NFIA: variants seen among roughly 807,000 people sequenced by gnomAD.
The protein encoded by NFIA is nuclear factor I A, also known as nuclear factor 1 A-type.
In NFIA, 8 loss-of-function variants were observed where a neutral mutation model predicts 62.8. That is an observed-to-expected ratio of 0.13 (90% CI 0.07 to 0.23). NFIA has a LOEUF of 0.23. Among genes scored for constraint, NFIA ranks in the 10% least tolerant of loss-of-function variants. The pLI is 1.00. For missense variants in NFIA, 410 were observed against 642.1 expected, an observed-to-expected ratio of 0.64 and a Z score of 3.91; for synonymous variants, 235 against 238.1, an observed-to-expected ratio of 0.99 and a Z score of 0.12.
intron 2 of NFIA, among the ~76,000 whole-genome samples, chr1:61,183,235 G>T (rs181141266): frequency 6.6e-6 from 1 of 152,214 alleles, no homozygotes; most frequent in East Asian, 1.9e-4. Flanking sequence ...ATAGAATTAT[G>T]GACTACAGAA....
Position 61,187,525 on chromosome 1 carries a change from G to A in NFIA, c.560-89995G>A, listed in dbSNP as rs185920023. On this transcript the variant is annotated intron_variant, in intron 2 of 10. Coordinates refer to ENST00000403491, the MANE Select transcript of NFIA (RefSeq NM_001134673.4). ...AGCGGTGGTGGTGGCATGGAGATGC[G>A]CTCCGTTTAGACTCAATATTGCCAC... Among the ~76,000 whole-genome samples, 328 of 152,220 alleles carry A rather than the reference G, an allele frequency of 2.2e-3. 3 individuals are homozygous for A. The highest frequency in any genetic ancestry group is 3.0e-3 in the Non-Finnish European group (203 of 68,020).
intron 7 of NFIA, among the ~76,000 whole-genome samples, chr1:61,398,694 A>T (rs569495115): frequency 9.2e-5 from 14 of 152,340 alleles, no homozygotes; most frequent in Admixed American, 7.8e-4. Context: ...TAGAAAAGGC[A>T]TCACCTCTTA....
In NFIA at chr1:61,128,915, G is replaced by GTTTTTTTTT. The variant is rs10635152; in HGVS notation, c.559+40252_559+40260dup. On this transcript the variant is annotated intron_variant, in intron 2 of 10. Coordinates refer to ENST00000403491, the MANE Select transcript of NFIA (RefSeq NM_001134673.4). ...CCAGCCAATGGTGATGCTTACTTATGTTTTTTTTTTTTTTTTTTTTTTTTT... is the reference window on the plus strand; with the variant it reads ...CCAGCCAATGGTGATGCTTACTTATGTTTTTTTTTTTTTTTTTTTTTTTTTTTTTTTTTT... Among the ~76,000 whole-genome samples the GTTTTTTTTT allele has an allele frequency of 1.9e-4, 14 of 74,138 alleles. 1 individual carries two copies. Among genetic ancestry groups the GTTTTTTTTT allele is most frequent in the Non-Finnish European group, 2.7e-4 (12 of 44,328 alleles). The allele number at this position is 74,138 out of a possible 152,430, so 48.6% of individuals were successfully genotyped here.
At chr1:61,190,027 ATG>A (rs1444818686) in intron 2 of NFIA, among the ~76,000 whole-genome samples, 2 of 152,228 alleles carry the variant, frequency 1.3e-5, no homozygotes, top group Non-Finnish European at 2.9e-5. Context: ...ATGAAATTAA[ATG>A]TGATATTAAA....
intron 6 of NFIA, among the ~76,000 whole-genome samples, chr1:61,361,782 GGTGTGTGTGTGTGTGTGTGTGT>G (rs61410878): frequency 7.0e-6 from 1 of 142,172 alleles, no homozygotes; most frequent in Non-Finnish European, 1.5e-5. Context: ...TTTGGTAAGA[GGTGTGTGTGTGTGTGTGTGTGT>G]GTGTGTGTGT....
intron 2 of NFIA, among the ~76,000 whole-genome samples, chr1:61,199,040 G>C (rs533966125): frequency 2.4e-4 from 37 of 152,258 alleles, no homozygotes; most frequent in Middle Eastern, 6.8e-3. Flanking sequence ...TTTGAAATAG[G>C]AATAGTCCTT....
intron 2 of NFIA, among the ~76,000 whole-genome samples, chr1:61,206,683 T>A (rs185481777): frequency 1.0e-3 from 156 of 152,334 alleles, no homozygotes; most frequent in African/African-American, 3.2e-3. Context: ...ATTTTAAAGA[T>A]GCAAGGTGTA....
chr1:61,172,092 C>T (rs1650005167), intron 2 of NFIA, among the ~76,000 whole-genome samples: 1 of 152,148 alleles, frequency 6.6e-6, no homozygotes, highest in Admixed American at 6.5e-5. Context: ...CCCTCTCAAC[C>T]CAGGCTTCCT....
chr1:61,398,633 C>A (rs1184354409), intron 7 of NFIA, among the ~76,000 whole-genome samples: 1 of 152,134 alleles, frequency 6.6e-6, no homozygotes, highest in Non-Finnish European at 1.5e-5. Flanking sequence ...AAGATATGTA[C>A]CATATGTTTT....
At chr1:61,327,603 T>C (rs1441165253) in intron 3 of NFIA, among the ~76,000 whole-genome samples, 1 of 152,172 alleles carries the variant, frequency 6.6e-6, no homozygotes, top group Non-Finnish European at 1.5e-5. Context: ...TGTTCTTTTT[T>C]ATGGCTGAGT....
chr1:61,365,712 A>G (rs576866126), intron 6 of NFIA, among the ~76,000 whole-genome samples: 3 of 152,226 alleles, frequency 2.0e-5, no homozygotes, highest in Non-Finnish European at 4.4e-5. Context: ...TCCAAGGGCA[A>G]ACCTCTGAAT....
At chr1:61,226,812 T>C (rs1051206108) in intron 2 of NFIA, among the ~76,000 whole-genome samples, 4 of 152,206 alleles carry the variant, frequency 2.6e-5, no homozygotes, top group African/African-American at 9.6e-5. Context: ...CCATATGTAT[T>C]GGGCAGGTTG....
chr1:61,082,796 A>G lies in NFIA; in HGVS notation c.5A>G (p.Tyr2Cys). 1 of 1,539,706 alleles carries G rather than the reference A, an allele frequency of 6.5e-7. No individual in the cohort carries two copies. The highest frequency in any genetic ancestry group is 8.8e-7 in the Non-Finnish European group (1 of 1,140,578). The change falls in exon 1 of 11, where the codon TAT (tyrosine) becomes TGT (cysteine). Residue 2 changes from tyrosine (Y) to cysteine (C), a missense_variant. Transcript: ENST00000403491. ...ATACCCCAGCGCCCGGCAGTTATGT[A>G]TTCTCCGCTCTGTCTCACCCAGGTA... M[Y>C]SPLCLTQDEF...
rs553549368 is a variant in NFIA at position 61,137,976 on chromosome 1, G to A, written c.559+49296G>A. On this transcript the variant is annotated intron_variant, in intron 2 of 10. Coordinates refer to ENST00000403491, the MANE Select transcript of NFIA (RefSeq NM_001134673.4). The stretch of plus-strand genomic sequence containing the variant: ...CTCTTTTTTTTTTTTTCTATTGAAG[G>A]AGGCCAAATTAGATGGAGTGAAGAG... Among the ~76,000 whole-genome samples the A allele has an allele frequency of 2.7e-5, 4 of 150,348 alleles. No homozygotes were observed. In the East Asian group the frequency reaches 7.8e-4, roughly 29 times the overall value.
intron 2 of NFIA, among the ~76,000 whole-genome samples, chr1:61,244,229 G>A (rs1236841382): frequency 6.6e-6 from 1 of 152,184 alleles, no homozygotes; most frequent in Non-Finnish European, 1.5e-5. Context: ...GATGACTGCT[G>A]CGATAATAAT....
chr1:61,184,133 AAAAAAAAAACCCAAAAAAAC>A (rs1446763873), intron 2 of NFIA, among the ~76,000 whole-genome samples: 1 of 150,260 alleles, frequency 6.7e-6, no homozygotes, highest in Non-Finnish European at 1.5e-5. Flanking sequence ...ACCAAAAAAA[AAAAAAAAAACCCAAAAAAAC>A]AAAACAAAAC....
chr1:61,428,095 C>T (rs569119541), intron 10 of NFIA, among the ~76,000 whole-genome samples: 6 of 152,208 alleles, frequency 3.9e-5, no homozygotes, highest in African/African-American at 1.2e-4. Context: ...TCATTAAGAG[C>T]CTTTAAAATG....
intron 2 of NFIA, among the ~76,000 whole-genome samples, chr1:61,231,133 A>G (rs1654647608): frequency 6.6e-6 from 1 of 152,142 alleles, no homozygotes; most frequent in Non-Finnish European, 1.5e-5. Flanking sequence ...TTATTTGTTG[A>G]AATGTATATT....
chr1:61,243,392 T>C (rs888316218), intron 2 of NFIA, among the ~76,000 whole-genome samples: 1 of 152,222 alleles, frequency 6.6e-6, no homozygotes, highest in African/African-American at 2.4e-5. Context: ...TGCCAATTCT[T>C]ACATATTGTA....
Sources: allele counts gnomAD v4.1 joint callset (sites outside exome capture counted in the v4.1 genomes callset), GRCh38; gene constraint gnomAD v4.1.1; transcripts MANE v1.5; gene names NCBI Gene and HGNC (gene_info 2026-07-23, HGNC 2026-07-21).